ITGA7: variants seen among roughly 807,000 people sequenced by gnomAD.
The protein encoded by ITGA7 is integrin alpha-7.
A neutral mutation model predicts 131.6 loss-of-function variants in ITGA7; 84 were observed. The ratio of observed to expected loss-of-function variants is 0.64; its 90% CI spans 0.54 to 0.77. The LOEUF is 0.77. Among genes scored for constraint, ITGA7 ranks in the 30% least tolerant of loss-of-function variants. The probability of loss-of-function intolerance (pLI) is 0.00; values close to 1 mark genes in which losing one functional copy is unlikely to be tolerated. For missense variants in ITGA7, 1,399 were observed against 1,482.9 expected, an observed-to-expected ratio of 0.94 and a Z score of 0.93; for synonymous variants, 548 against 600.7, an observed-to-expected ratio of 0.91 and a Z score of 1.28.
chr12:55,693,198 G>C lies in ITGA7; in HGVS notation c.2655C>G (p.Gly885=), dbSNP rs751647692. The change falls in exon 20 of 25, where the codon GGC becomes GGG. Residue 885 remains glycine (G), a synonymous_variant. Transcript: ENST00000257879. ...LLYPMQVELE[G]GQGPGQKGLC... ...GCCCTTTCTGCCCAGGCCCCTGCCC[G>C]CCCTCCAGCTCAACCTGCATTGGGT... The C allele has an allele frequency of 6.2e-7, 1 of 1,613,744 alleles. No individual in the cohort carries two copies. Among genetic ancestry groups the C allele is most frequent in the Non-Finnish European group, 8.5e-7 (1 of 1,179,930 alleles).
In ITGA7 at chr12:55,694,160, TG is replaced by T. The variant is rs767589399; in HGVS notation, c.2433-38del. ...AGGTCAGAACAGGGGTGAGAAGGTC[TG>T]GGGCCTGGCTCAATGAAGGCAGGGC... On this transcript the variant is annotated intron_variant, in intron 18 of 24. Transcript: ENST00000257879. The surrounding 1 kb of genome is among the most constrained non-coding windows in gnomAD (Gnocchi z 5.3). The T allele has an allele frequency of 4.4e-5, 71 of 1,610,822 alleles. No individual in the cohort carries two copies. The highest frequency in any genetic ancestry group is 5.1e-6 in the Non-Finnish European group (6 of 1,177,066).
At chr12:55,697,894 GATTCCACCCA>G (rs1181225251) in intron 8 of ITGA7, 34 bp downstream of exon 8, 1 of 1,614,010 alleles carries the variant, frequency 6.2e-7, no homozygotes, top group South Asian at 1.1e-5. Context: ...TGCCTCTGCT[GATTCCACCCA>G]CACCCATTCC....
chr12:55,700,905 A>G lies in ITGA7; in HGVS notation c.664T>C (p.Trp222Arg). 6.2e-7 allele frequency: 1 copy of G among 1,614,106 alleles called. No homozygotes were observed. The highest frequency in any genetic ancestry group is 8.5e-7 in the Non-Finnish European group (1 of 1,179,988). The change falls in exon 4 of 25, where the codon TGG becomes CGG. Residue 222 changes from tryptophan (W) to arginine (R), a missense_variant. By Grantham distance (101) the Trp-to-Arg change is moderately radical. Transcript: ENST00000257879. ...TTCCCGAGGAGTGACTCACCCTTCC[A>G]ATTATAGGTTCCTGGGGCCCCAAAG... is the stretch of plus-strand genomic sequence containing the variant. ...LLFGAPGTYN[W>R]KGLLFVTNID...
intron 21 of ITGA7, among the ~76,000 whole-genome samples, chr12:55,691,738 A>G (rs1871463172): frequency 1.3e-5 from 2 of 152,230 alleles, no homozygotes; most frequent in Admixed American, 6.5e-5. Flanking sequence ...AGCAACAGCC[A>G]CGACATGGGT....
chr12:55,688,736 A>AAAG, intron 22 of ITGA7, 108 bp downstream of exon 22: 1 of 660,940 alleles, frequency 1.5e-6, no homozygotes, highest in African/African-American at 2.3e-5. Context: ...AAAAAAAAAA[A>AAAG]GGGGGGGGAT....
rs142266745 is a variant in ITGA7, at chr12:55,686,142, T to A, written c.3184-854A>T. On this transcript the variant is annotated intron_variant, in intron 24 of 24. Transcript: ENST00000257879. ...ATCCCCTGAATGCTGGGAATTCTCCTTATATTCACACACATACATACCCAC... is the reference window on the plus strand; with the variant it reads ...ATCCCCTGAATGCTGGGAATTCTCCATATATTCACACACATACATACCCAC... 39 of 953,036 alleles carry A rather than the reference T, an allele frequency of 4.1e-5. No homozygotes were observed. The African/African-American group carries it at 5.6e-4, about 14-fold the overall frequency. The allele number at this position is 953,036 out of a possible 1,614,324, so 59.0% of individuals were successfully genotyped here.
chr12:55,688,351 C>T (rs1282849378), intron 22 of ITGA7, 51 bp from the exon 23 acceptor site: 1 of 1,227,664 alleles, frequency 8.1e-7, no homozygotes, highest in Non-Finnish European at 1.2e-6. Context: ...ATGTCTCCCT[C>T]CCTTCCCCTT....
Position 55,700,441 on chromosome 12 carries a change from C to G in ITGA7, c.671-452G>C. 3 of 1,566,022 alleles carry G rather than the reference C, an allele frequency of 1.9e-6. No individual in the cohort carries two copies. In the South Asian group the frequency reaches 3.5e-5, roughly 18 times the overall value. On this transcript the variant is annotated intron_variant, in intron 4 of 24. Transcript: ENST00000257879. ...GCCCAGGGCAGGGCGCAAGGAACAC[C>G]CCTCAGGCCGGACACTGAGTTAGAC...
upstream of ITGA7, among the ~76,000 whole-genome samples, chr12:55,715,047 T>C (rs1330954761): frequency 6.6e-6 from 1 of 152,008 alleles, no homozygotes; most frequent in Middle Eastern, 3.2e-3. Context: ...TTTTAGTAGA[T>C]ACAAGGTTTC....
In ITGA7 at chr12:55,698,861, C is replaced by T; in HGVS notation, c.847G>A (p.Ala283Thr). The change falls in exon 6 of 25, where the codon GCT (alanine) becomes ACT (threonine). Residue 283 changes from alanine (A) to threonine (T), a missense_variant. Transcript: ENST00000257879. The stretch of plus-strand genomic sequence containing the variant: ...TTGTGGTTGGCGCGGGGGGCTCCAG[C>T]CACAAAGCTCAGCTCTTCTGCACGC... ...LVRAEELSFV[A>T]GAPRANHKGA... 1 of 1,613,946 alleles carries T rather than the reference C, an allele frequency of 6.2e-7. No individual in the cohort carries two copies. Among genetic ancestry groups the T allele is most frequent in the East Asian group, 2.2e-5 (1 of 44,882 alleles).
At chr12:55,710,804 C>G (rs1162675022), upstream of ITGA7, among the ~76,000 whole-genome samples, 1 of 151,890 alleles carries the variant, frequency 6.6e-6, no homozygotes, top group Non-Finnish European at 1.5e-5. Context: ...ACTCGCATAC[C>G]ATTCTCAAAA....
intron 8 of ITGA7, 54 bp downstream of exon 8, chr12:55,697,884 T>A: frequency 1.9e-6 from 3 of 1,614,090 alleles, no homozygotes; most frequent in East Asian, 2.2e-5. Flanking sequence ...CCTCCCCTGA[T>A]GCCTCTGCTG....
rs1451643807 is a variant in ITGA7 at position 55,688,186 on chromosome 12, C to T, written c.3057+16G>A. 1 of 1,613,850 alleles carries T rather than the reference C, an allele frequency of 6.2e-7. No homozygotes were observed. Among genetic ancestry groups the T allele is most frequent in the Non-Finnish European group, 8.5e-7 (1 of 1,179,716 alleles). ...AAGAGAGTCCTCCCCACCTATCCCC[C>T]AACCCTGCAGCTCACCACTGTGGAG... On this transcript the variant is annotated intron_variant, in intron 23 of 24. Coordinates refer to ENST00000257879, the MANE Select transcript of ITGA7 (RefSeq NM_002206.3).
Position 55,695,719 on chromosome 12 carries a change from G to C in ITGA7, c.1888-82C>G, listed in dbSNP as rs969227043. ...TGTCACCATGGCATATGGTGGGTTAGAGTATCACAGGATTAAACAACCTGT... is the reference window on the plus strand; with the variant it reads ...TGTCACCATGGCATATGGTGGGTTACAGTATCACAGGATTAAACAACCTGT... On this transcript the variant is annotated intron_variant, in intron 13 of 24. Transcript: ENST00000257879. 11 of 919,710 alleles carry C rather than the reference G, an allele frequency of 1.2e-5. No homozygotes were observed. The Admixed American group carries it at 1.6e-4, about 13-fold the overall frequency. 57.0% of individuals were successfully genotyped at this position (919,710 alleles called of 1,614,324 possible). A position where few individuals can be genotyped will look rare whatever the true frequency, so the allele number is the denominator to read the frequency against.
chr12:55,685,272 C>T lies in ITGA7; in HGVS notation c.3200G>A (p.Arg1067Gln), dbSNP rs752159189. 174 of 1,613,982 alleles carry T rather than the reference C, an allele frequency of 1.1e-4. No homozygotes were observed. Among genetic ancestry groups the T allele is most frequent in the Non-Finnish European group, 1.4e-4 (163 of 1,180,040 alleles). The change falls in exon 25 of 25, where the codon CGG (arginine) becomes CAG (glutamine). Residue 1067 changes from arginine (R) to glutamine (Q), a missense_variant. Transcript: ENST00000257879. ...CACGGTGGCCTCGGGGTGCTTCGCCCGTTTGAAGAATCCCATCTATAAGGA... is the reference window on the plus strand; with the variant it reads ...CACGGTGGCCTCGGGGTGCTTCGCCTGTTTGAAGAATCCCATCTATAAGGA... ...LLLWKMGFFK[R>Q]AKHPEATVPQ...
At chr12:55,711,893 C>G (rs1485439300), upstream of ITGA7, among the ~76,000 whole-genome samples, 2 of 152,234 alleles carry the variant, frequency 1.3e-5, no homozygotes, top group Non-Finnish European at 2.9e-5. Context: ...TCAAATCACA[C>G]TTTTTGCAAC....
chr12:55,706,967 TC>T (rs1459127927), intron 1 of ITGA7, among the ~76,000 whole-genome samples: 2 of 152,246 alleles, frequency 1.3e-5, no homozygotes, highest in Non-Finnish European at 2.9e-5. Context: ...GGAAGCTCTC[TC>T]CTGGCCTTCC....
At chr12:55,714,357 A>T (rs1452484297), upstream of ITGA7, among the ~76,000 whole-genome samples, 3 of 28,634 alleles carry the variant, frequency 1.0e-4, no homozygotes, top group African/African-American at 1.5e-3. Flanking sequence ...CTAAAAATAC[A>T]AAAAAAAAAA....
chr12:55,695,662 G>A (rs1173467731), intron 13 of ITGA7, 25 bp from the exon 14 acceptor site: 2 of 1,547,840 alleles, frequency 1.3e-6, no homozygotes, highest in South Asian at 1.1e-5. Context: ...GAGATAAGGG[G>A]CATTCCTAGG....
Sources: gnomAD v4.1 joint callset for allele counts (sites outside exome capture counted in the v4.1 genomes callset) on GRCh38, gnomAD v4.1.1 for gene constraint, Gnocchi (gnomAD v3.1) non-coding constraint, MANE v1.5 for transcripts, NCBI Gene and HGNC (gene_info 2026-07-23, HGNC 2026-07-21) for gene names.